Variants in KLF15 observed in about 807,000 individuals in gnomAD.
The protein encoded by KLF15 is Krueppel-like factor 15.
KLF15 carries 4 observed loss-of-function variants against 24.6 expected under a neutral mutation model. The ratio of observed to expected loss-of-function variants is 0.16; its 90% CI spans 0.08 to 0.37. KLF15 has a LOEUF of 0.37. KLF15 is among the 10% of genes least tolerant of loss of function. KLF15 has a pLI of 1.00. For missense variants in KLF15, 496 were observed against 560.6 expected (o/e 0.88, Z 1.16); for synonymous variants, 246 against 236.3 (o/e 1.04, Z -0.37).
chr3:126,301,499 TA>T, the KLF15 span, among the ~76,000 whole-genome samples: 1 of 152,034 alleles, frequency 6.6e-6, no homozygotes, highest in East Asian at 1.9e-4. Context: ...ATAGGAATAA[TA>T]AAACAGGACT....
Position 126,343,643 on chromosome 3 carries a change from G to C in KLF15, c.*84C>G. 1 of 1,376,636 alleles carries C rather than the reference G, an allele frequency of 7.3e-7. No homozygotes were observed. The highest frequency in any genetic ancestry group is 1.0e-6 in the Non-Finnish European group (1 of 991,756). 85.3% of individuals were successfully genotyped at this position (1,376,636 alleles called of 1,614,324 possible). A position where few individuals can be genotyped will look rare whatever the true frequency, so the allele number is the denominator to read the frequency against. On this transcript the variant is annotated 3_prime_UTR_variant, in exon 3 of 3. Coordinates refer to ENST00000296233, the MANE Select transcript of KLF15 (RefSeq NM_014079.4). ...CTGGTAACATTGCCATGTCCCTCTG[G>C]AGGAGGCAAATAAATTATTGCTTAA...
the KLF15 span, among the ~76,000 whole-genome samples, chr3:126,311,334 T>A: frequency 6.6e-6 from 1 of 152,188 alleles, no homozygotes; most frequent in Non-Finnish European, 1.5e-5. Context: ...AAGCTCCTAC[T>A]GTCCTTCAGG....
At chr3:126,340,658 G>T (rs1258674663), downstream of KLF15, among the ~76,000 whole-genome samples, 1 of 152,190 alleles carries the variant, frequency 6.6e-6, no homozygotes, top group Non-Finnish European at 1.5e-5. Context: ...ATTATGGCTG[G>T]AGTTCCTGCT....
At chr3:126,323,576 T>C in the KLF15 span, among the ~76,000 whole-genome samples, 12 of 143,744 alleles carry the variant, frequency 8.3e-5, no homozygotes, top group Non-Finnish European at 1.8e-4. Context: ...GTGCAGAACG[T>C]GCAGGTTTGT....
At chr3:126,300,149 A>G in the KLF15 span, among the ~76,000 whole-genome samples, 2 of 152,092 alleles carry the variant, frequency 1.3e-5, no homozygotes, top group Non-Finnish European at 2.9e-5. Flanking sequence ...TCAGGCTACA[A>G]TGAGTCAGGT....
At chr3:126,304,444 TA>T in the KLF15 span, among the ~76,000 whole-genome samples, 1 of 152,212 alleles carries the variant, frequency 6.6e-6, no homozygotes, top group Non-Finnish European at 1.5e-5. Flanking sequence ...TAATCTTTTC[TA>T]ATGGTTCTTC....
At chr3:126,319,435 C>T in the KLF15 span, among the ~76,000 whole-genome samples, 38 of 152,328 alleles carry the variant, frequency 2.5e-4, no homozygotes, top group African/African-American at 9.1e-4. Context: ...CACATCATTG[C>T]CAGCATTTGA....
chr3:126,322,024 T>C, the KLF15 span, among the ~76,000 whole-genome samples: 1 of 152,334 alleles, frequency 6.6e-6, no homozygotes, highest in East Asian at 1.9e-4. Context: ...CCTTGCATTC[T>C]GTCCATCACT....
the KLF15 span, among the ~76,000 whole-genome samples, chr3:126,303,511 T>C: frequency 6.6e-6 from 1 of 152,126 alleles, no homozygotes; most frequent in African/African-American, 2.4e-5. Flanking sequence ...GTTATCCTTA[T>C]CTTTGTCCCT....
chr3:126,317,986 G>A, the KLF15 span, among the ~76,000 whole-genome samples: 2 of 151,972 alleles, frequency 1.3e-5, no homozygotes, highest in African/African-American at 2.4e-5. Context: ...ACATCTTTCC[G>A]GTCACCTTGT....
the KLF15 span, among the ~76,000 whole-genome samples, chr3:126,321,551 C>T: frequency 4.6e-5 from 7 of 152,228 alleles, no homozygotes; most frequent in Non-Finnish European, 1.0e-4. Flanking sequence ...TTGTGTGGCC[C>T]GCAGCCAGGT....
chr3:126,312,421 C>G, the KLF15 span, among the ~76,000 whole-genome samples: 2 of 152,170 alleles, frequency 1.3e-5, no homozygotes, highest in Non-Finnish European at 2.9e-5. Flanking sequence ...GTGATCCTCC[C>G]ACCTTGGTCA....
chr3:126,321,717 CTTT>C, the KLF15 span, among the ~76,000 whole-genome samples: 1 of 152,178 alleles, frequency 6.6e-6, no homozygotes, highest in Non-Finnish European at 1.5e-5. Flanking sequence ...TGCCTTCCTT[CTTT>C]GACTCGACAT....
At position 126,343,491 on chromosome 3, in the gene KLF15, C is replaced by CACGAAGG; in HGVS notation, c.*235_*236insCCTTCGT. On this transcript the variant is annotated 3_prime_UTR_variant, in exon 3 of 3. Transcript: ENST00000296233. ...GCACGAAGGCACGAAGGCACGAAGG[C>CACGAAGG]CTGCCTCCAGCCCCGTGCGCCTGGG... The CACGAAGG allele has an allele frequency of 4.0e-6, 2 of 495,458 alleles. No homozygotes were observed. Among genetic ancestry groups the CACGAAGG allele is most frequent in the South Asian group, 2.7e-5 (1 of 36,454 alleles). The allele number at this position is 495,458 out of a possible 1,614,324, so 30.7% of individuals were successfully genotyped here.
At chr3:126,294,723 G>T in the KLF15 span, among the ~76,000 whole-genome samples, 2 of 152,020 alleles carry the variant, frequency 1.3e-5, no homozygotes, top group African/African-American at 4.8e-5. Flanking sequence ...AGGCTTTGGG[G>T]CCCTCTCCAG....
the KLF15 span, among the ~76,000 whole-genome samples, chr3:126,327,135 G>A: frequency 6.6e-6 from 1 of 152,174 alleles, no homozygotes; most frequent in East Asian, 1.9e-4. Context: ...ACTGCATTCT[G>A]TGGTCACATC....
chr3:126,337,509 T>A, the KLF15 span, among the ~76,000 whole-genome samples: 13 of 148,430 alleles, frequency 8.8e-5, 1 homozygote, highest in African/African-American at 3.1e-4. Flanking sequence ...CGCACCAGCA[T>A]GGCACATGTA....
chr3:126,294,567 C>T, the KLF15 span, among the ~76,000 whole-genome samples: 27,182 of 152,080 alleles, frequency 0.18, 2,947 homozygotes, highest in East Asian at 0.3. Flanking sequence ...AGAGCAAGGC[C>T]TTCAGTCAGT....
chr3:126,350,835 C>A (rs9855542), intron 2 of KLF15, among the ~76,000 whole-genome samples: 111,196 of 152,174 alleles, frequency 0.73, 40,763 homozygotes, highest in Non-Finnish European at 0.77. Context: ...GTATACACCC[C>A]CAGGGATACA....
Sources: allele counts gnomAD v4.1 joint callset (sites outside exome capture counted in the v4.1 genomes callset), GRCh38; gene constraint gnomAD v4.1.1; transcripts MANE v1.5; gene names NCBI Gene and HGNC (gene_info 2026-07-23, HGNC 2026-07-21).